FBLN1: variants seen among roughly 807,000 people sequenced by gnomAD.
FBLN1 encodes the protein fibulin-1.
Under a neutral mutation model 89.7 loss-of-function variants are expected in FBLN1, and 34 were observed. The observed-to-expected ratio is 0.38, with a 90% CI of 0.29 to 0.50. The LOEUF (loss-of-function observed/expected upper bound fraction) is 0.50. Ranked by LOEUF, FBLN1 falls within the 20% of genes least tolerant of loss-of-function variation. The pLI is 0.92. For synonymous variants in FBLN1, 393 were observed against 391.3 expected (o/e 1.00, Z -0.05); for missense variants, 777 against 988.1 (o/e 0.79, Z 2.86).
At chr22:45,560,440 A>G (rs912797671) in intron 14 of FBLN1, among the ~76,000 whole-genome samples, 3 of 152,152 alleles carry the variant, frequency 2.0e-5, no homozygotes, top group African/African-American at 7.2e-5. Flanking sequence ...CACCATCCCA[A>G]TCTCCCTAAG....
At chr22:45,582,060 G>C (rs187549591) in intron 16 of FBLN1, among the ~76,000 whole-genome samples, 1 of 152,272 alleles carries the variant, frequency 6.6e-6, no homozygotes, top group African/African-American at 2.4e-5. Flanking sequence ...GGTTGAGGTT[G>C]TACCCACTCA....
At chr22:45,564,941 C>T (rs987985151) in intron 14 of FBLN1, 3 of 1,614,102 alleles carry the variant, frequency 1.9e-6, no homozygotes. Flanking sequence ...AAGAGGACTG[C>T]AGGGTTCTTC....
Position 45,557,754 on chromosome 22 carries a change from C to T in FBLN1, c.1697+7139C>T, listed in dbSNP as rs986759620. The stretch of plus-strand genomic sequence containing the variant: ...CCACTCAGAGAGGTCTATCCACATA[C>T]CTCTTCCCCAAATTTCATTGTCATC... On this transcript the variant is annotated intron_variant, in intron 14 of 16. Transcript: ENST00000327858. The surrounding 1 kb of genome is among the most constrained non-coding windows in gnomAD (Gnocchi z 4.9). 6.6e-6 allele frequency among the ~76,000 whole-genome samples: 1 copy of T among 152,234 alleles called. No homozygotes were observed. Among genetic ancestry groups the T allele is most frequent in the African/African-American group, 2.4e-5 (1 of 41,456 alleles).
intron 14 of FBLN1, among the ~76,000 whole-genome samples, chr22:45,555,411 G>A (rs1258334741): frequency 6.6e-6 from 1 of 151,962 alleles, no homozygotes; most frequent in Non-Finnish European, 1.5e-5. Flanking sequence ...AGCAGTCTGA[G>A]TCCCAAAAAT....
intron 9 of FBLN1, 84 bp from the exon 10 acceptor site, chr22:45,542,070 CT>C: frequency 6.3e-7 from 1 of 1,598,482 alleles, no homozygotes; most frequent in Non-Finnish European, 8.5e-7. Context: ...CCATGTGTTC[CT>C]TTCTTGCTTT....
intron 2 of FBLN1, among the ~76,000 whole-genome samples, chr22:45,520,412 G>A (rs1391190395): frequency 6.6e-6 from 1 of 152,112 alleles, no homozygotes; most frequent in African/African-American, 2.4e-5. Flanking sequence ...GTCCTCACAC[G>A]GCCCTCCCTC....
Position 45,576,289 on chromosome 22 carries a change from G to A in FBLN1, c.1841-688G>A, listed in dbSNP as rs749813465. Among the ~76,000 whole-genome samples, 7 of 152,146 alleles carry A rather than the reference G, an allele frequency of 4.6e-5. No individual in the cohort carries two copies. The highest frequency in any genetic ancestry group is 1.0e-4 in the Non-Finnish European group (7 of 68,034). On this transcript the variant is annotated intron_variant, in intron 15 of 16. Coordinates refer to ENST00000327858, the MANE Select transcript of FBLN1 (RefSeq NM_006486.3). This position sits in a 1 kb window ranked among gnomAD's most constrained non-coding sequence, Gnocchi z 5.2. ...TTTTGTGGCCTCTCCGGCCAGCCCC[G>A]ATCTGAGTGTTGGTTATCGCAGGGA... is the stretch of plus-strand genomic sequence containing the variant.
At position 45,575,034 on chromosome 22, in the gene FBLN1, A is replaced by G. The variant is rs1050290492; in HGVS notation, c.1840+381A>G. On this transcript the variant is annotated intron_variant, in intron 15 of 16. Transcript: ENST00000327858. This position sits in a 1 kb window ranked among gnomAD's most constrained non-coding sequence, Gnocchi z 6.3. ...CCTGACCTCATGATCCACCCGCCTC[A>G]GCCTCCCAAAGTGCTGGGATTACAG... Among the ~76,000 whole-genome samples the G allele has an allele frequency of 5.3e-5, 8 of 152,028 alleles. No individual in the cohort carries two copies. Among genetic ancestry groups the G allele is most frequent in the African/African-American group, 1.9e-4 (8 of 41,404 alleles).
chr22:45,581,320 C>A lies in FBLN1; in HGVS notation c.1972+4212C>A, dbSNP rs1473726640. Among the ~76,000 whole-genome samples the A allele has an allele frequency of 6.6e-6, 1 of 152,118 alleles. No individual in the cohort carries two copies. The highest frequency in any genetic ancestry group is 1.5e-5 in the Non-Finnish European group (1 of 68,030). The stretch of plus-strand genomic sequence containing the variant: ...TTCCTTTTAACTCTCAGGCCAGCCA[C>A]ATCTGTGTCTGTCTGGCTCCCTCCA... On this transcript the variant is annotated intron_variant, in intron 16 of 16. Transcript: ENST00000327858. This position sits in a 1 kb window ranked among gnomAD's most constrained non-coding sequence, Gnocchi z 7.6.
chr22:45,538,022 TTCCTC>T (rs2088505321), intron 8 of FBLN1, among the ~76,000 whole-genome samples: 1 of 152,216 alleles, frequency 6.6e-6, no homozygotes, highest in Non-Finnish European at 1.5e-5. Context: ...AGCCCTGACT[TTCCTC>T]TCTACAGGGT....
In FBLN1 at chr22:45,577,157, C is replaced by A. The variant is rs368290291; in HGVS notation, c.1972+49C>A. On this transcript the variant is annotated intron_variant, in intron 16 of 16. Transcript: ENST00000327858. The surrounding 1 kb of genome is among the most constrained non-coding windows in gnomAD (Gnocchi z 6.6). ...CTATCCAGGCACCCCTCCCCCTCCA[C>A]CCCGAAACCCTCTCTGGCCCAGCCC... 1 of 1,606,554 alleles carries A rather than the reference C, an allele frequency of 6.2e-7. No individual in the cohort carries two copies. The highest frequency in any genetic ancestry group is 1.3e-5 in the African/African-American group (1 of 74,850).
At position 45,535,187 on chromosome 22, in the gene FBLN1, T is replaced by A; in HGVS notation, c.785-13T>A. On this transcript the variant is annotated splice_polypyrimidine_tract_variant and intron_variant, in intron 7 of 16. Transcript: ENST00000327858. The stretch of plus-strand genomic sequence containing the variant: ...ACTCTTGCTAACAATTTCCTTTTTT[T>A]ATGATGTACCAGATATTGACGAGTG... The A allele has an allele frequency of 6.2e-7, 1 of 1,614,186 alleles. No homozygotes were observed. The highest frequency in any genetic ancestry group is 8.5e-7 in the Non-Finnish European group (1 of 1,179,998).
chr22:45,505,729 C>T (rs2146933709), intron 1 of FBLN1, among the ~76,000 whole-genome samples: 1 of 152,300 alleles, frequency 6.6e-6, no homozygotes, highest in South Asian at 2.1e-4. Context: ...AGAGAGAGAA[C>T]ATAGGATAGT....
intron 10 of FBLN1, among the ~76,000 whole-genome samples, chr22:45,542,869 G>A (rs994708238): frequency 3.9e-5 from 6 of 152,250 alleles, no homozygotes; most frequent in Admixed American, 6.5e-5. Flanking sequence ...GCCGCAGAAG[G>A]AGCACGAGGC....
At position 45,572,414 on chromosome 22, in the gene FBLN1, A is replaced by T. The variant is rs1225785152; in HGVS notation, c.1698-2097A>T. Among the ~76,000 whole-genome samples, 1 of 152,218 alleles carries T rather than the reference A, an allele frequency of 6.6e-6. No individual in the cohort carries two copies. The highest frequency in any genetic ancestry group is 1.5e-5 in the Non-Finnish European group (1 of 68,042). ...AAACCTCATCGGAGTGGCTTCCATCATGGGTTCATACTGATTTTTTTTTCC... is the reference window on the plus strand; with the variant it reads ...AAACCTCATCGGAGTGGCTTCCATCTTGGGTTCATACTGATTTTTTTTTCC... On this transcript the variant is annotated intron_variant, in intron 14 of 16. Coordinates refer to ENST00000327858, the MANE Select transcript of FBLN1 (RefSeq NM_006486.3). This position sits in a 1 kb window ranked among gnomAD's most constrained non-coding sequence, Gnocchi z 5.8.
intron 1 of FBLN1, among the ~76,000 whole-genome samples, chr22:45,504,303 G>T (rs1254414950): frequency 6.6e-6 from 1 of 152,176 alleles, no homozygotes; most frequent in Non-Finnish European, 1.5e-5. Flanking sequence ...AGCTCTGATT[G>T]TTCAGGCGGT....
chr22:45,597,942 C>A lies in FBLN1; in HGVS notation c.1973-2365C>A, dbSNP rs1007849302. Among the ~76,000 whole-genome samples, 12 of 152,154 alleles carry A rather than the reference C, an allele frequency of 7.9e-5. No individual in the cohort carries two copies. Among genetic ancestry groups the A allele is most frequent in the African/African-American group, 2.9e-4 (12 of 41,424 alleles). On this transcript the variant is annotated intron_variant, in intron 16 of 16. Transcript: ENST00000327858. This position sits in a 1 kb window ranked among gnomAD's most constrained non-coding sequence, Gnocchi z 4.2. Reference sequence around the variant, plus strand: ...TCTTTCTGAGCGTGAACTTGATGTTCCTGACCAGGAACCAGCCACTCGTAC... The same window carrying A: ...TCTTTCTGAGCGTGAACTTGATGTTACTGACCAGGAACCAGCCACTCGTAC...
intron 1 of FBLN1, among the ~76,000 whole-genome samples, chr22:45,514,231 A>T (rs534379017): frequency 1.3e-5 from 2 of 152,264 alleles, no homozygotes; most frequent in South Asian, 4.1e-4. Flanking sequence ...GTAAGCTTGT[A>T]AAGAGGTCGG....
In FBLN1 at chr22:45,563,408, C is replaced by T. The variant is rs934899075; in HGVS notation, c.1698-11103C>T. On this transcript the variant is annotated intron_variant, in intron 14 of 16. Coordinates refer to ENST00000327858, the MANE Select transcript of FBLN1 (RefSeq NM_006486.3). This position sits in a 1 kb window ranked among gnomAD's most constrained non-coding sequence, Gnocchi z 5.7. Reference sequence around the variant, plus strand: ...ATTTGGCATGGTTGGGAGTCTGTGCCGCTTGTTACCCGGGGGTGAGCTGGG... The same window carrying T: ...ATTTGGCATGGTTGGGAGTCTGTGCTGCTTGTTACCCGGGGGTGAGCTGGG... 3.0e-5 allele frequency: 45 copies of T among 1,512,756 alleles called. No homozygotes were observed. The highest frequency in any genetic ancestry group is 2.3e-4 in the Middle Eastern group (1 of 4,280). 93.7% of individuals were successfully genotyped at this position (1,512,756 alleles called of 1,614,324 possible). A position where few individuals can be genotyped will look rare whatever the true frequency, so the allele number is the denominator to read the frequency against.
Sources: allele counts gnomAD v4.1 joint callset (sites outside exome capture counted in the v4.1 genomes callset), GRCh38; gene constraint gnomAD v4.1.1; non-coding constraint Gnocchi (gnomAD v3.1); transcripts MANE v1.5; gene names NCBI Gene and HGNC (gene_info 2026-07-23, HGNC 2026-07-21).